GDPD4: variants seen among roughly 807,000 people sequenced by gnomAD.
GDPD4 encodes the protein glycerophosphodiester phosphodiesterase domain containing 4.
GDPD4 carries 60 observed loss-of-function variants against 67.8 expected under a neutral mutation model. The ratio of observed to expected loss-of-function variants is 0.88; its 90% CI spans 0.72 to 1.10. GDPD4 has a LOEUF of 1.10. Ranked by LOEUF, GDPD4 falls within the 50% of genes least tolerant of loss-of-function variation. The probability of loss-of-function intolerance (pLI) is 0.00; values close to 1 mark genes in which losing one functional copy is unlikely to be tolerated. For missense variants in GDPD4, 623 were observed against 613.9 expected, an observed-to-expected ratio of 1.01 and a Z score of -0.16; for synonymous variants, 212 against 210.9, an observed-to-expected ratio of 1.00 and a Z score of -0.04.
intron 13 of GDPD4, among the ~76,000 whole-genome samples, chr11:77,234,905 T>A (rs1047698747): frequency 2.6e-5 from 4 of 152,068 alleles, no homozygotes; most frequent in African/African-American, 7.2e-5. Flanking sequence ...CATTTTTAGT[T>A]CTTTGAGAAA....
At chr11:77,221,202 T>C (rs1172144189) in intron 16 of GDPD4, among the ~76,000 whole-genome samples, 1 of 151,748 alleles carries the variant, frequency 6.6e-6, no homozygotes, top group African/African-American at 2.4e-5. Flanking sequence ...CTGGATTGAT[T>C]TTTTTGAAGG....
At chr11:77,270,005 C>A in intron 7 of GDPD4, 45 bp from the exon 8 acceptor site, 1 of 933,196 alleles carries the variant, frequency 1.1e-6, no homozygotes, top group East Asian at 2.5e-5. Flanking sequence ...TTATTGTCCC[C>A]TTTAAGCCCT....
Position 77,229,671 on chromosome 11 carries a change from C to G in GDPD4, c.1390-439G>C, listed in dbSNP as rs143722269. Among the ~76,000 whole-genome samples the G allele has an allele frequency of 7.2e-5, 11 of 152,282 alleles. No homozygotes were observed. In the East Asian group the frequency reaches 2.1e-3, roughly 29 times the overall value. On this transcript the variant is annotated intron_variant, in intron 14 of 16. Transcript: ENST00000315938. ...ACAGGTTTCTGGGTCTCACTAGACACCTAAGGAATGAGAATCTCTGCATTT... is the reference window on the plus strand; with the variant it reads ...ACAGGTTTCTGGGTCTCACTAGACAGCTAAGGAATGAGAATCTCTGCATTT...
At chr11:77,301,064 C>T (rs911011057) in intron 1 of GDPD4, among the ~76,000 whole-genome samples, 3 of 152,138 alleles carry the variant, frequency 2.0e-5, no homozygotes, top group Admixed American at 6.5e-5. Context: ...CACCAGCCAG[C>T]GTAGCCACGT....
chr11:77,241,531 G>A (rs962089440), intron 13 of GDPD4, among the ~76,000 whole-genome samples: 1 of 150,426 alleles, frequency 6.6e-6, no homozygotes, highest in Admixed American at 6.7e-5. Context: ...CCAGCTACTT[G>A]AGAAGCTGAG....
Position 77,216,949 on chromosome 11 carries a change from G to GC in GDPD4, c.*327_*328insG, listed in dbSNP as rs1341164103. 3 of 702,606 alleles carry GC rather than the reference G, an allele frequency of 4.3e-6. No individual in the cohort carries two copies. The highest frequency in any genetic ancestry group is 7.8e-6 in the Non-Finnish European group (3 of 384,890). 43.5% of individuals were successfully genotyped at this position (702,606 alleles called of 1,614,324 possible). A position where few individuals can be genotyped will look rare whatever the true frequency, so the allele number is the denominator to read the frequency against. On this transcript the variant is annotated 3_prime_UTR_variant, in exon 17 of 17. Transcript: ENST00000315938. ...AGAGGTCTCTTATTTAAGGATAGGGGACCTCTATGGAGGGCATGGTTGGCT... is the reference window on the plus strand; with the variant it reads ...AGAGGTCTCTTATTTAAGGATAGGGGCACCTCTATGGAGGGCATGGTTGGCT...
chr11:77,292,298 A>G (rs1431544785), intron 1 of GDPD4, among the ~76,000 whole-genome samples: 3 of 152,122 alleles, frequency 2.0e-5, no homozygotes, highest in African/African-American at 7.2e-5. Flanking sequence ...CTAGAATTAA[A>G]TTAGAAATTA....
intron 12 of GDPD4, among the ~76,000 whole-genome samples, chr11:77,244,569 T>G (rs1315233224): frequency 1.3e-5 from 2 of 152,140 alleles, no homozygotes; most frequent in Non-Finnish European, 2.9e-5. Context: ...CTGGGTGTGG[T>G]GGCTCATGCC....
intron 10 of GDPD4, among the ~76,000 whole-genome samples, chr11:77,263,549 G>GC (rs1362806964): frequency 6.6e-6 from 1 of 152,030 alleles, no homozygotes; most frequent in East Asian, 1.9e-4. Context: ...AAATGATAGT[G>GC]CACTTGCCAT....
intron 12 of GDPD4, among the ~76,000 whole-genome samples, 198 bp from the exon 13 acceptor site, chr11:77,244,046 C>T (rs1433529711): frequency 1.3e-5 from 2 of 152,098 alleles, no homozygotes; most frequent in African/African-American, 2.4e-5. Flanking sequence ...GATGGAGTCT[C>T]GCTCTGTCGC....
chr11:77,277,319 T>C (rs1959517934), intron 4 of GDPD4, among the ~76,000 whole-genome samples: 1 of 151,130 alleles, frequency 6.6e-6, no homozygotes, highest in African/African-American at 2.4e-5. Context: ...AGAAAACTGA[T>C]TTATATCAAA....
At chr11:77,273,509 A>G (rs2135875981) in intron 5 of GDPD4, among the ~76,000 whole-genome samples, 1 of 152,342 alleles carries the variant, frequency 6.6e-6, no homozygotes, top group East Asian at 1.9e-4. Flanking sequence ...AGATTTTACT[A>G]ACAAATATTG....
At chr11:77,253,260 A>G (rs1351390022) in intron 11 of GDPD4, among the ~76,000 whole-genome samples, 1 of 152,186 alleles carries the variant, frequency 6.6e-6, no homozygotes, top group Admixed American at 6.5e-5. Context: ...GGGTATGGCT[A>G]TAATTTGGGA....
intron 13 of GDPD4, among the ~76,000 whole-genome samples, chr11:77,235,194 A>G (rs1305883850): frequency 6.6e-6 from 1 of 151,372 alleles, no homozygotes; most frequent in Non-Finnish European, 1.5e-5. Context: ...CATATCCTTT[A>G]CCCACTTTCT....
At chr11:77,235,018 T>TTTTTTTTTG (rs1958528960) in intron 13 of GDPD4, among the ~76,000 whole-genome samples, 1 of 129,154 alleles carries the variant, frequency 7.7e-6, no homozygotes, top group African/African-American at 2.8e-5. Flanking sequence ...TGTTTTTTTT[T>TTTTTTTTTG]TTTTTTTTTT....
At chr11:77,278,306 T>A (rs181580216) in intron 4 of GDPD4, among the ~76,000 whole-genome samples, 57 of 152,320 alleles carry the variant, frequency 3.7e-4, no homozygotes, top group African/African-American at 1.4e-3. Context: ...GACCGTTCCC[T>A]CTCAGCAAGA....
intron 13 of GDPD4, among the ~76,000 whole-genome samples, chr11:77,241,638 TAAAA>T (rs36036994): frequency 1.6e-5 from 1 of 60,822 alleles, no homozygotes; most frequent in African/African-American, 6.8e-5. Context: ...ACCCTGTCTT[TAAAA>T]AAAAAAAAAA....
Position 77,278,476 on chromosome 11 carries a change from A to G in GDPD4, c.147+830T>C, listed in dbSNP as rs561989008. The stretch of plus-strand genomic sequence containing the variant: ...TTATATCTCACATCTACCTCTATGA[A>G]GTGCACTGCATGAAAACAGAAATTG... On this transcript the variant is annotated intron_variant, in intron 4 of 16. Transcript: ENST00000315938. 1.4e-3 allele frequency among the ~76,000 whole-genome samples: 207 copies of G among 152,352 alleles called. 2 individuals are homozygous for G. The highest frequency in any genetic ancestry group is 4.8e-3 in the African/African-American group (201 of 41,578).
At chr11:77,290,679 A>G (rs1295394470) in intron 1 of GDPD4, among the ~76,000 whole-genome samples, 1 of 152,206 alleles carries the variant, frequency 6.6e-6, no homozygotes, top group African/African-American at 2.4e-5. Context: ...TCAAATAAAT[A>G]ATTATGCACC....
Sources: allele counts gnomAD v4.1 joint callset (sites outside exome capture counted in the v4.1 genomes callset), GRCh38; gene constraint gnomAD v4.1.1; transcripts MANE v1.5; gene names NCBI Gene and HGNC (gene_info 2026-07-23, HGNC 2026-07-21).